Variants in RPS6KC1 observed in about 807,000 individuals in gnomAD.
RPS6KC1 encodes inactive ribosomal protein S6 kinase delta-1.
RPS6KC1 carries 54 observed loss-of-function variants against 103.8 expected under a neutral mutation model. The observed-to-expected ratio is 0.52, with a 90% CI of 0.42 to 0.65. The LOEUF is 0.65. Among genes scored for constraint, RPS6KC1 ranks in the 30% least tolerant of loss-of-function variants. The pLI is 0.00. For synonymous variants in RPS6KC1, 439 were observed against 438.7 expected, an observed-to-expected ratio of 1.00 and a Z score of -0.01; for missense variants, 1,151 against 1,253.8, an observed-to-expected ratio of 0.92 and a Z score of 1.24.
At chr1:213,630,850 C>A in the RPS6KC1 span, among the ~76,000 whole-genome samples, 1 of 152,224 alleles carries the variant, frequency 6.6e-6, no homozygotes, top group African/African-American at 2.4e-5. Context: ...ACTCCAGACC[C>A]TGTTTTCCTG....
At chr1:213,074,117 G>C (rs2079106468) in intron 2 of RPS6KC1, among the ~76,000 whole-genome samples, 1 of 152,200 alleles carries the variant, frequency 6.6e-6, no homozygotes, top group Admixed American at 6.5e-5. Context: ...TTAAAACTAT[G>C]TGAGCGTGAA....
chr1:213,506,337 C>T, the RPS6KC1 span, among the ~76,000 whole-genome samples: 8 of 152,030 alleles, frequency 5.3e-5, no homozygotes, highest in African/African-American at 1.7e-4. Context: ...AATTTTAGGG[C>T]GACACCCATA....
chr1:213,308,456 GT>G, the RPS6KC1 span, among the ~76,000 whole-genome samples: 2 of 151,912 alleles, frequency 1.3e-5, no homozygotes, highest in African/African-American at 4.8e-5. Context: ...CTAGGAACAG[GT>G]TATACAAAAC....
At chr1:213,529,767 T>G in the RPS6KC1 span, among the ~76,000 whole-genome samples, 2 of 152,160 alleles carry the variant, frequency 1.3e-5, no homozygotes, top group African/African-American at 4.8e-5. Flanking sequence ...TGTGTGTGTT[T>G]TAGCTCACCA....
the RPS6KC1 span, among the ~76,000 whole-genome samples, chr1:213,291,863 G>A: frequency 6.6e-6 from 1 of 152,068 alleles, no homozygotes; most frequent in Non-Finnish European, 1.5e-5. Context: ...TTTCTTCTAG[G>A]GTTTTTATGG....
At chr1:213,138,825 A>C (rs149462106) in intron 6 of RPS6KC1, among the ~76,000 whole-genome samples, 9 of 152,294 alleles carry the variant, frequency 5.9e-5, no homozygotes, top group African/African-American at 2.2e-4. Context: ...ACATGTGTGC[A>C]TGTGTCTTTA....
the RPS6KC1 span, among the ~76,000 whole-genome samples, chr1:213,404,617 AC>A: frequency 6.6e-6 from 1 of 152,120 alleles, no homozygotes; most frequent in Admixed American, 6.5e-5. Flanking sequence ...GACCTGCCAC[AC>A]CAGGTGGCGG....
the RPS6KC1 span, among the ~76,000 whole-genome samples, chr1:213,377,339 C>T: frequency 6.6e-6 from 1 of 152,148 alleles, no homozygotes; most frequent in African/African-American, 2.4e-5. Context: ...TGCATGCTTC[C>T]CATCGATTTG....
chr1:213,214,623 C>T (rs113470358), intron 8 of RPS6KC1, among the ~76,000 whole-genome samples: 1 of 152,172 alleles, frequency 6.6e-6, no homozygotes, highest in Non-Finnish European at 1.5e-5. Flanking sequence ...GGGAGGCACC[C>T]CCCAGTAGGG....
the RPS6KC1 span, among the ~76,000 whole-genome samples, chr1:213,797,558 G>A: frequency 6.3e-4 from 96 of 152,286 alleles, no homozygotes; most frequent in African/African-American, 6.7e-4. Flanking sequence ...CTTTGACCAC[G>A]TCTATCCTCT....
chr1:213,671,874 C>T, the RPS6KC1 span, among the ~76,000 whole-genome samples: 37 of 152,038 alleles, frequency 2.4e-4, no homozygotes, highest in Non-Finnish European at 4.4e-4. Context: ...TTGATTATTT[C>T]ACAGTGTATA....
At chr1:213,123,441 A>G (rs550243211) in intron 5 of RPS6KC1, among the ~76,000 whole-genome samples, 1 of 151,962 alleles carries the variant, frequency 6.6e-6, no homozygotes, top group South Asian at 2.1e-4. Flanking sequence ...AGGTATTCTG[A>G]GGCTCTTTTT....
chr1:213,618,193 A>T, the RPS6KC1 span, among the ~76,000 whole-genome samples: 1 of 152,202 alleles, frequency 6.6e-6, no homozygotes, highest in African/African-American at 2.4e-5. Context: ...GCAATAAACT[A>T]GAGGATAGGA....
the RPS6KC1 span, among the ~76,000 whole-genome samples, chr1:213,305,763 T>C: frequency 0.021 from 3,261 of 152,322 alleles, 113 homozygotes; most frequent in African/African-American, 0.074. Context: ...TGAGTTTCTC[T>C]GTCCATGTTT....
chr1:213,620,460 C>T, the RPS6KC1 span, among the ~76,000 whole-genome samples: 1 of 152,208 alleles, frequency 6.6e-6, no homozygotes, highest in Non-Finnish European at 1.5e-5. Context: ...TGGCTTAGGG[C>T]TCCAAGAGAC....
At chr1:213,351,138 G>A in the RPS6KC1 span, among the ~76,000 whole-genome samples, 5 of 152,032 alleles carry the variant, frequency 3.3e-5, no homozygotes, top group South Asian at 4.1e-4. Flanking sequence ...CAAAATCCTC[G>A]TGGGCATTTC....
At chr1:213,334,775 C>T in the RPS6KC1 span, among the ~76,000 whole-genome samples, 1 of 152,230 alleles carries the variant, frequency 6.6e-6, no homozygotes, top group African/African-American at 2.4e-5. Context: ...CTCTCTCTCT[C>T]TTTCTCTCCT....
At chr1:213,742,019 C>A in the RPS6KC1 span, among the ~76,000 whole-genome samples, 1 of 152,054 alleles carries the variant, frequency 6.6e-6, no homozygotes, top group Non-Finnish European at 1.5e-5. Context: ...AGAGGAGGAA[C>A]CAGTGCAAAT....
the RPS6KC1 span, among the ~76,000 whole-genome samples, chr1:213,739,393 A>C: frequency 6.6e-6 from 1 of 152,172 alleles, no homozygotes; most frequent in Non-Finnish European, 1.5e-5. Context: ...GTTTTGGGAG[A>C]GTCAAAATTT....
Sources: allele counts gnomAD v4.1 joint callset (sites outside exome capture counted in the v4.1 genomes callset), GRCh38; gene constraint gnomAD v4.1.1; transcripts MANE v1.5; gene names NCBI Gene and HGNC (gene_info 2026-07-23, HGNC 2026-07-21).